Variants in SPATA17 observed in about 807,000 individuals in gnomAD.
The protein encoded by SPATA17 is spermatogenesis associated 17.
SPATA17 carries 53 observed loss-of-function variants against 62.2 expected under a neutral mutation model. The observed-to-expected ratio is 0.85, with a 90% CI of 0.68 to 1.07. The LOEUF is 1.07. Ranked by LOEUF, SPATA17 falls within the 50% of genes least tolerant of loss-of-function variation. The pLI is 0.00. For missense variants in SPATA17, 466 were observed against 425.5 expected (o/e 1.10, Z -0.84); for synonymous variants, 146 against 146.8 (o/e 0.99, Z 0.04).
At position 217,714,923 on chromosome 1, in the gene SPATA17, C is replaced by A. The variant is rs554888764; in HGVS notation, c.396-27052C>A. Among the ~76,000 whole-genome samples, 42 of 152,034 alleles carry A rather than the reference C, an allele frequency of 2.8e-4. No homozygotes were observed. The East Asian group carries it at 8.1e-3, about 29-fold the overall frequency. On this transcript the variant is annotated intron_variant, in intron 5 of 10. Transcript: ENST00000366933. The stretch of plus-strand genomic sequence containing the variant: ...GAGGAATTAGAGGATTTCTAGTATC[C>A]CTTTAAGTCTGAGAAAATTAGCTTA...
intron 5 of SPATA17, among the ~76,000 whole-genome samples, chr1:217,731,483 T>C (rs1409291348): frequency 1.3e-5 from 2 of 152,202 alleles, no homozygotes; most frequent in East Asian, 1.9e-4. Flanking sequence ...AGATTTTCAT[T>C]CTAAAAATTC....
At chr1:217,790,561 C>T (rs1241239425) in intron 8 of SPATA17, among the ~76,000 whole-genome samples, 1 of 152,140 alleles carries the variant, frequency 6.6e-6, no homozygotes, top group East Asian at 1.9e-4. Context: ...CTGCCTCAGC[C>T]TCCTGAGTAG....
At chr1:217,844,385 A>AG (rs1310484833) in intron 9 of SPATA17, among the ~76,000 whole-genome samples, 2 of 152,048 alleles carry the variant, frequency 1.3e-5, no homozygotes, top group Non-Finnish European at 1.5e-5. Context: ...CAGGTAAAAG[A>AG]ATGATGAAGA....
At chr1:217,744,335 C>T (rs1169180255) in intron 6 of SPATA17, among the ~76,000 whole-genome samples, 1 of 96,310 alleles carries the variant, frequency 1.0e-5, no homozygotes, top group African/African-American at 3.1e-5. Flanking sequence ...TAGTGGCGGG[C>T]GCCTGTAGTC....
chr1:217,786,298 G>A (rs1673859733), intron 8 of SPATA17, among the ~76,000 whole-genome samples: 1 of 152,160 alleles, frequency 6.6e-6, no homozygotes, highest in Admixed American at 6.5e-5. Flanking sequence ...TAAATGTCGA[G>A]TTTTCTCTGG....
At chr1:217,704,230 CTTTTTTT>C (rs560591615) in intron 5 of SPATA17, among the ~76,000 whole-genome samples, 71 of 41,700 alleles carry the variant, frequency 1.7e-3, no homozygotes, top group Non-Finnish European at 2.7e-3. Context: ...TTCCCTCTAC[CTTTTTTT>C]TTTTTTTTTT....
At chr1:217,677,070 T>C (rs1236716187) in intron 4 of SPATA17, among the ~76,000 whole-genome samples, 1 of 152,108 alleles carries the variant, frequency 6.6e-6, no homozygotes, top group Non-Finnish European at 1.5e-5. Context: ...TTGTTCAGAT[T>C]GAAATGCTCA....
intron 9 of SPATA17, among the ~76,000 whole-genome samples, chr1:217,826,274 C>A (rs1675000084): frequency 6.6e-6 from 1 of 152,082 alleles, no homozygotes; most frequent in Admixed American, 6.6e-5. Context: ...TATTAAGAAG[C>A]AGCCCAATCA....
chr1:217,799,591 GTTTA>G (rs1295746846), intron 8 of SPATA17, among the ~76,000 whole-genome samples: 1 of 151,920 alleles, frequency 6.6e-6, no homozygotes, highest in East Asian at 1.9e-4. Flanking sequence ...TCTGTATTCT[GTTTA>G]TTTTTTATTT....
intron 7 of SPATA17, among the ~76,000 whole-genome samples, chr1:217,781,728 T>G (rs1673731691): frequency 6.6e-6 from 1 of 152,156 alleles, no homozygotes; most frequent in East Asian, 1.9e-4. Flanking sequence ...TTTAACTTAA[T>G]GAAAAAACAA....
chr1:217,687,847 T>G (rs1193261962), intron 5 of SPATA17, among the ~76,000 whole-genome samples: 3 of 152,216 alleles, frequency 2.0e-5, no homozygotes, highest in Non-Finnish European at 4.4e-5. Flanking sequence ...AGCTAAGTTT[T>G]TGTATTTTAA....
chr1:217,792,144 C>T (rs971665385), intron 8 of SPATA17, among the ~76,000 whole-genome samples: 1 of 151,936 alleles, frequency 6.6e-6, no homozygotes, highest in Non-Finnish European at 1.5e-5. Context: ...GCATGTGGCC[C>T]ACGGCGCATG....
chr1:217,709,635 C>A (rs1430597064), intron 5 of SPATA17, among the ~76,000 whole-genome samples: 1 of 152,120 alleles, frequency 6.6e-6, no homozygotes, highest in Non-Finnish European at 1.5e-5. Flanking sequence ...AAGAAATTGG[C>A]CCCTCCCACA....
rs375887601 is a variant in SPATA17, at chr1:217,643,865, A to G, written c.69-5017A>G. On this transcript the variant is annotated intron_variant, in intron 1 of 10. Coordinates refer to ENST00000366933, the MANE Select transcript of SPATA17 (RefSeq NM_138796.4). ...TGCGTTAGCCTCCCAAGTAGCTGGG[A>G]TTACAGGCACCCACCATCATGTCTG... Among the ~76,000 whole-genome samples, 48 of 152,096 alleles carry G rather than the reference A, an allele frequency of 3.2e-4. 1 individual carries two copies. The East Asian group carries it at 6.4e-3, about 20-fold the overall frequency.
chr1:217,808,521 T>C (rs1455554252), intron 9 of SPATA17, among the ~76,000 whole-genome samples: 1 of 152,134 alleles, frequency 6.6e-6, no homozygotes, highest in East Asian at 1.9e-4. Context: ...TTCATTTGCA[T>C]ACCGCCTCCT....
intron 8 of SPATA17, among the ~76,000 whole-genome samples, chr1:217,794,783 C>T (rs1027820452): frequency 7.9e-5 from 12 of 152,282 alleles, no homozygotes; most frequent in African/African-American, 1.4e-4. Flanking sequence ...GGACGATAAG[C>T]TTCTCAACAA....
intron 5 of SPATA17, among the ~76,000 whole-genome samples, chr1:217,724,845 T>A (rs1672227387): frequency 6.6e-6 from 1 of 152,132 alleles, no homozygotes; most frequent in Middle Eastern, 3.2e-3. Context: ...AGTTTATTTT[T>A]TTTCCCTGTG....
At chr1:217,855,873 C>T (rs972100314) in intron 9 of SPATA17, among the ~76,000 whole-genome samples, 3 of 151,408 alleles carry the variant, frequency 2.0e-5, no homozygotes, top group Non-Finnish European at 4.4e-5. Flanking sequence ...ACTACAGGTG[C>T]GTGCCACCAA....
At position 217,793,644 on chromosome 1, in the gene SPATA17, C is replaced by T. The variant is rs562367553; in HGVS notation, c.873-8074C>T. ...AGGCATATATATTTGCAAAATATGCCCAGGTGATTCAAATGCACAGTTCTG... is the reference window on the plus strand; with the variant it reads ...AGGCATATATATTTGCAAAATATGCTCAGGTGATTCAAATGCACAGTTCTG... On this transcript the variant is annotated intron_variant, in intron 8 of 10. Transcript: ENST00000366933. 2.0e-5 allele frequency among the ~76,000 whole-genome samples: 3 copies of T among 152,100 alleles called. No individual in the cohort carries two copies. The South Asian group carries it at 6.2e-4, about 32-fold the overall frequency.
Sources: gnomAD v4.1 joint callset for allele counts (sites outside exome capture counted in the v4.1 genomes callset) on GRCh38, gnomAD v4.1.1 for gene constraint, MANE v1.5 for transcripts, NCBI Gene and HGNC (gene_info 2026-07-23, HGNC 2026-07-21) for gene names.